The following SLC35F1 variants were observed in gnomAD, a reference collection of about 807,000 sequenced individuals.
SLC35F1 encodes the protein solute carrier family 35 member F1, also known as chromosome 6 open reading frame 169.
In SLC35F1, 14 loss-of-function variants were observed where a neutral mutation model predicts 48.7. The observed-to-expected ratio is 0.29, with a 90% CI of 0.19 to 0.45. SLC35F1 has a LOEUF of 0.45. Ranked by LOEUF, SLC35F1 falls within the 20% of genes least tolerant of loss-of-function variation. SLC35F1 has a pLI of 1.00. For synonymous variants in SLC35F1, 190 were observed against 202.2 expected (o/e 0.94, Z 0.51); for missense variants, 404 against 500.0 (o/e 0.81, Z 1.83).
intron 1 of SLC35F1, among the ~76,000 whole-genome samples, chr6:117,941,165 A>G (rs1193198431): frequency 1.3e-5 from 2 of 152,168 alleles, no homozygotes; most frequent in African/African-American, 2.4e-5. Context: ...AAGAATTTAA[A>G]CATATTTTTC....
At chr6:118,283,148 G>A (rs1776003877) in intron 6 of SLC35F1, among the ~76,000 whole-genome samples, 1 of 152,046 alleles carries the variant, frequency 6.6e-6, no homozygotes, top group Non-Finnish European at 1.5e-5. Flanking sequence ...CAGCCATTGT[G>A]GCCTTGGTCA....
intron 1 of SLC35F1, among the ~76,000 whole-genome samples, chr6:117,936,668 G>A (rs911971518): frequency 3.9e-5 from 6 of 152,044 alleles, no homozygotes; most frequent in African/African-American, 1.4e-4. Flanking sequence ...AAATTGAGGT[G>A]GGAGTAGATA....
intron 7 of SLC35F1, among the ~76,000 whole-genome samples, chr6:118,311,665 C>T (rs1054327167): frequency 2.2e-4 from 33 of 152,216 alleles, no homozygotes; most frequent in African/African-American, 7.2e-4. Context: ...GTGGCAGGCG[C>T]CTGTAGTTCC....
intron 1 of SLC35F1, among the ~76,000 whole-genome samples, chr6:118,043,206 A>G (rs1772252067): frequency 6.6e-6 from 1 of 152,204 alleles, no homozygotes; most frequent in Non-Finnish European, 1.5e-5. Flanking sequence ...TATATATTAC[A>G]GAATAAATAA....
intron 1 of SLC35F1, among the ~76,000 whole-genome samples, chr6:117,984,568 GAAGTT>G (rs1418049086): frequency 6.6e-6 from 1 of 151,218 alleles, no homozygotes; most frequent in African/African-American, 2.4e-5. Context: ...TAGTGTCCCA[GAAGTT>G]AAGTGTTACT....
chr6:118,236,412 T>G (rs1775366178), intron 3 of SLC35F1, among the ~76,000 whole-genome samples: 1 of 152,212 alleles, frequency 6.6e-6, no homozygotes, highest in Non-Finnish European at 1.5e-5. Context: ...AGCTCTAGGA[T>G]AAAACACAAA....
rs575478905 is a variant in SLC35F1, at chr6:117,962,871, A to G, written c.173+54972A>G. Among the ~76,000 whole-genome samples, 159 of 152,302 alleles carry G rather than the reference A, an allele frequency of 1.0e-3. 4 individuals carry two copies. In the South Asian group the frequency reaches 0.031, roughly 30 times the overall value. On this transcript the variant is annotated intron_variant, in intron 1 of 7. Coordinates refer to ENST00000360388, the MANE Select transcript of SLC35F1 (RefSeq NM_001029858.4). ...TGCATAGTGCTAGAAGCTCTGCTAC[A>G]TGTGTGAAGGGGACAGTGTGTTAGA...
rs1296988388 is a variant in SLC35F1 at position 117,976,071 on chromosome 6, G to A, written c.173+68172G>A. 4.6e-5 allele frequency among the ~76,000 whole-genome samples: 7 copies of A among 152,330 alleles called. No individual in the cohort carries two copies. In the East Asian group the frequency reaches 9.6e-4, roughly 21 times the overall value. On this transcript the variant is annotated intron_variant, in intron 1 of 7. Coordinates refer to ENST00000360388, the MANE Select transcript of SLC35F1 (RefSeq NM_001029858.4). ...ACTTTCCCATACAAATGCATTGTAT[G>A]TTGAAAATCTAAATAATCAGGAATT...
At chr6:118,025,792 A>G (rs112271739) in intron 1 of SLC35F1, among the ~76,000 whole-genome samples, 121 of 152,244 alleles carry the variant, frequency 7.9e-4, no homozygotes, top group African/African-American at 2.8e-3. Context: ...ATTTTAGTTG[A>G]TAGTTTTCAA....
intron 6 of SLC35F1, 64 bp from the exon 7 acceptor site, chr6:118,285,120 C>A: frequency 6.4e-7 from 1 of 1,573,332 alleles, no homozygotes; most frequent in Non-Finnish European, 8.7e-7. Context: ...TTCTTTCCTG[C>A]TGTGGATGCT....
chr6:118,248,152 T>G (rs1296523838), intron 3 of SLC35F1, among the ~76,000 whole-genome samples: 1 of 152,194 alleles, frequency 6.6e-6, no homozygotes, highest in Non-Finnish European at 1.5e-5. Context: ...TGAATTCCAG[T>G]GCATTACAGA....
chr6:118,267,722 G>T (rs1775792769), intron 4 of SLC35F1, among the ~76,000 whole-genome samples: 1 of 152,136 alleles, frequency 6.6e-6, no homozygotes, highest in Non-Finnish European at 1.5e-5. Flanking sequence ...CTCACACATG[G>T]TTTTTAATTT....
intron 1 of SLC35F1, among the ~76,000 whole-genome samples, chr6:118,007,653 AT>A (rs1394850431): frequency 8.5e-5 from 13 of 152,210 alleles, no homozygotes; most frequent in South Asian, 8.3e-4. Flanking sequence ...ATTTATTAGA[AT>A]TTTTTTGCTG....
chr6:118,045,978 T>C (rs1426643370), intron 1 of SLC35F1, among the ~76,000 whole-genome samples: 1 of 152,170 alleles, frequency 6.6e-6, no homozygotes, highest in Non-Finnish European at 1.5e-5. Context: ...CTTTTTTTCA[T>C]GGAGTTGTCA....
At chr6:118,066,015 A>T (rs1772609208) in intron 1 of SLC35F1, among the ~76,000 whole-genome samples, 1 of 152,230 alleles carries the variant, frequency 6.6e-6, no homozygotes, top group Non-Finnish European at 1.5e-5. Context: ...AGATTCAGTT[A>T]GGGTGCTTGT....
intron 1 of SLC35F1, chr6:117,999,300 T>C: frequency 6.3e-7 from 1 of 1,589,460 alleles, no homozygotes; most frequent in Non-Finnish European, 8.5e-7. Context: ...AAGCGTGCTC[T>C]TGCCCGTATT....
intron 1 of SLC35F1, among the ~76,000 whole-genome samples, chr6:118,010,191 C>T (rs1369806808): frequency 6.6e-6 from 1 of 152,166 alleles, no homozygotes; most frequent in African/African-American, 2.4e-5. Context: ...AAATATTCCT[C>T]TGTGGTCCAA....
chr6:118,316,327 G>A lies in SLC35F1; in HGVS notation c.*2075G>A, dbSNP rs556989342. On this transcript the variant is annotated 3_prime_UTR_variant, in exon 8 of 8. Transcript: ENST00000360388. ...TATTTTCCATGGGGAAAATATCAGC[G>A]TTAAAGCTCTATCAAATCAAAACAA... The A allele has an allele frequency of 6.5e-5, 10 of 152,716 alleles. No individual in the cohort carries two copies. Among genetic ancestry groups the A allele is most frequent in the East Asian group, 1.9e-4 (1 of 5,184 alleles). 9.5% of individuals were successfully genotyped at this position (152,716 alleles called of 1,614,324 possible). A position where few individuals can be genotyped will look rare whatever the true frequency, so the allele number is the denominator to read the frequency against.
At chr6:118,109,320 TGGGAGTGACTTTGGCAATTCTA>T (rs1411127709) in intron 1 of SLC35F1, among the ~76,000 whole-genome samples, 1 of 152,178 alleles carries the variant, frequency 6.6e-6, no homozygotes, top group African/African-American at 2.4e-5. Context: ...TGGCCAAGAA[TGGGAGTGACTTTGGCAATTCTA>T]GCTCTCAGAA....
Sources: allele counts gnomAD v4.1 joint callset (sites outside exome capture counted in the v4.1 genomes callset), GRCh38; gene constraint gnomAD v4.1.1; transcripts MANE v1.5; gene names NCBI Gene and HGNC (gene_info 2026-07-23, HGNC 2026-07-21).